UBAP2L: variants seen among roughly 807,000 people sequenced by gnomAD.
The protein encoded by UBAP2L is ubiquitin-associated protein 2-like.
A neutral mutation model predicts 130.6 loss-of-function variants in UBAP2L; 12 were observed. That is an observed-to-expected ratio of 0.09 (90% confidence interval 0.06 to 0.15). The LOEUF (loss-of-function observed/expected upper bound fraction) is 0.15. Ranked by LOEUF, UBAP2L falls within the 10% of genes least tolerant of loss-of-function variation. The pLI is 1.00. For missense variants in UBAP2L, 965 were observed against 1,332.5 expected, an observed-to-expected ratio of 0.72 and a Z score of 4.29; for synonymous variants, 503 against 524.7, an observed-to-expected ratio of 0.96 and a Z score of 0.57.
In UBAP2L at chr1:154,257,452, ATCT is replaced by A. The variant is rs1680012487; in HGVS notation, c.2442+24_2442+26del. On this transcript the variant is annotated intron_variant, in intron 20 of 26. Coordinates refer to ENST00000428931, the MANE Select transcript of UBAP2L (RefSeq NM_014847.4). ...CCTACCCGGTAAGTGGGACTAAAGG[ATCT>A]TCTTCAAAAGGTGAGGATGTTGTGG... 1 of 1,611,778 alleles carries A rather than the reference ATCT, an allele frequency of 6.2e-7. No homozygotes were observed. The highest frequency in any genetic ancestry group is 1.3e-5 in the African/African-American group (1 of 74,952).
At chr1:154,243,752 C>T (rs539112705) in intron 10 of UBAP2L, among the ~76,000 whole-genome samples, 5 of 152,302 alleles carry the variant, frequency 3.3e-5, no homozygotes, top group African/African-American at 9.6e-5. Flanking sequence ...TGAACCACCG[C>T]GCCAGTTGAT....
At chr1:154,222,322 C>T (rs1232018435) in intron 1 of UBAP2L, among the ~76,000 whole-genome samples, 4 of 151,992 alleles carry the variant, frequency 2.6e-5, no homozygotes, top group African/African-American at 9.7e-5. Context: ...AGATCTGTCT[C>T]CATTGTACTT....
chr1:154,271,262 G>A, downstream of UBAP2L: 2 of 246,250 alleles, frequency 8.1e-6, no homozygotes, highest in Non-Finnish European at 1.6e-5. Context: ...GACTTAGATG[G>A]GTCCAGGCAA....
Position 154,224,891 on chromosome 1 carries a change from G to T in UBAP2L, c.-40-193G>T, listed in dbSNP as rs555020262. On this transcript the variant is annotated intron_variant, in intron 1 of 26. Transcript: ENST00000428931. ...CTTACACATGCTTTATACATTTCTTGTTACATAAAAATGGATTAACAGCCA... is the reference window on the plus strand; with the variant it reads ...CTTACACATGCTTTATACATTTCTTTTTACATAAAAATGGATTAACAGCCA... Among the ~76,000 whole-genome samples, 62 of 152,174 alleles carry T rather than the reference G, an allele frequency of 4.1e-4. 1 individual carries two copies. The highest frequency in any genetic ancestry group is 5.9e-4 in the Non-Finnish European group (40 of 67,998).
chr1:154,235,720 G>A (rs1374790851), intron 6 of UBAP2L, among the ~76,000 whole-genome samples: 1 of 152,170 alleles, frequency 6.6e-6, no homozygotes, highest in Non-Finnish European at 1.5e-5. Context: ...ACATTGGCCA[G>A]GCTGGCCTCG....
chr1:154,259,927 C>CT (rs755962759), intron 21 of UBAP2L, 21 bp from the exon 22 acceptor site: 3 of 1,610,112 alleles, frequency 1.9e-6, no homozygotes, highest in Non-Finnish European at 2.6e-6. Flanking sequence ...AATCTCTGCT[C>CT]TTTTTTCCCC....
chr1:154,255,435 T>C, intron 17 of UBAP2L, 109 bp downstream of exon 17: 3 of 1,419,364 alleles, frequency 2.1e-6, no homozygotes, highest in Non-Finnish European at 1.9e-6. Flanking sequence ...CCTGCTTTTG[T>C]CGTAAGTGGG....
chr1:154,253,433 G>A (rs1678518294), intron 14 of UBAP2L, among the ~76,000 whole-genome samples: 1 of 145,444 alleles, frequency 6.9e-6, no homozygotes, highest in Non-Finnish European at 1.5e-5. Context: ...CACCCAGGCT[G>A]GAGTGCAGTG....
In UBAP2L at chr1:154,257,133, T is replaced by G; in HGVS notation, c.2228T>G (p.Val743Gly). The change falls in exon 19 of 27, where the codon GTC becomes GGC. Residue 743 changes from valine to glycine, a missense_variant. Val to Gly is a moderately radical substitution (Grantham distance 109, BLOSUM62 -3). Around this residue, in one of 9 missense-constraint regions of UBAP2L, gnomAD observed 393 missense variants for 408.1 expected, o/e 0.96. Transcript: ENST00000428931. ...SSTFSTTSST[V>G]SAPPPVVSVS... ...ACTTTTTCCACCACATCCAGCACAG[T>G]CTCTGCACCTCCCCCAGTGGTCAGT... The G allele has an allele frequency of 1.2e-6, 2 of 1,614,178 alleles. No homozygotes were observed. The highest frequency in any genetic ancestry group is 1.7e-6 in the Non-Finnish European group (2 of 1,180,038).
At position 154,255,694 on chromosome 1, in the gene UBAP2L, C is replaced by T. The variant is rs746135849; in HGVS notation, c.2096C>T (p.Thr699Met). Residue 699 changes from threonine (T) to methionine (M), a missense_variant, in exon 18 of 27, where the codon ACG becomes ATG. Around this residue, in one of 9 missense-constraint regions of UBAP2L, gnomAD observed 393 missense variants for 408.1 expected, o/e 0.96. Transcript: ENST00000428931. ...TTTTTTTCTGACAGCACGTTATCTA[C>T]GCAGCAGAATACCCTTTCATCATCA... is the stretch of plus-strand genomic sequence containing the variant. ...TTTQHSSTLS[T>M]QQNTLSSSTS... 24 of 1,614,144 alleles carry T rather than the reference C, an allele frequency of 1.5e-5. 1 individual carries two copies. Among genetic ancestry groups the T allele is most frequent in the East Asian group, 4.5e-5 (2 of 44,884 alleles).
rs1462390310 is a variant in UBAP2L at position 154,270,780 on chromosome 1, T to G, written c.*485T>G. Reference sequence around the variant, plus strand: ...AGTGGTTTTTTTTTTGTTTTTTTTTTTTTTTTGTACTGTGTCCTCAAATTT... The same window carrying G: ...AGTGGTTTTTTTTTTGTTTTTTTTTGTTTTTTGTACTGTGTCCTCAAATTT... On this transcript the variant is annotated 3_prime_UTR_variant, in exon 27 of 27. Transcript: ENST00000428931. The G allele has an allele frequency of 5.5e-6, 7 of 1,279,150 alleles. No homozygotes were observed. Among genetic ancestry groups the G allele is most frequent in the Non-Finnish European group, 5.0e-6 (5 of 1,009,114 alleles). The allele number at this position is 1,279,150 out of a possible 1,614,324, so 79.2% of individuals were successfully genotyped here. A position where few individuals can be genotyped will look rare whatever the true frequency, so the allele number is the denominator to read the frequency against.
intron 2 of UBAP2L, among the ~76,000 whole-genome samples, chr1:154,226,643 A>G (rs1668034605): frequency 6.6e-6 from 1 of 152,202 alleles, no homozygotes; most frequent in Non-Finnish European, 1.5e-5. Context: ...GGCGTTGGTT[A>G]TTACAGAAAT....
At chr1:154,261,174 G>A in intron 23 of UBAP2L, 65 bp downstream of exon 23, 2 of 1,505,876 alleles carry the variant, frequency 1.3e-6, no homozygotes, top group South Asian at 2.5e-5. Flanking sequence ...TATCCTAGCT[G>A]CTTTTAAGGG....
chr1:154,271,083 T>C (rs548391815), downstream of UBAP2L: 29 of 805,898 alleles, frequency 3.6e-5, no homozygotes, highest in Admixed American at 5.5e-4. Flanking sequence ...ACCTGGTGAC[T>C]GGAAAGAACC....
At position 154,259,668 on chromosome 1, in the gene UBAP2L, G is replaced by A. The variant is rs140715809; in HGVS notation, c.2497-280G>A. 2.4e-4 allele frequency: 125 copies of A among 511,140 alleles called. 1 individual carries two copies. The highest frequency in any genetic ancestry group is 2.3e-3 in the African/African-American group (119 of 52,012). 31.7% of individuals were successfully genotyped at this position (511,140 alleles called of 1,614,324 possible). On this transcript the variant is annotated intron_variant, in intron 21 of 26. Transcript: ENST00000428931. ...GAATAAGCTTGGTATAAACTGATAG[G>A]GATGACACCTAGAGGGTTGAAAATA...
chr1:154,257,423 C>A lies in UBAP2L; in HGVS notation c.2431C>A (p.His811Asn). The part of the protein sequence containing the change: ...NPYIMAPGLL[H>N]AYPPQVYGYD... Reference sequence around the variant, plus strand: ...GTATATTATGGCTCCAGGGCTGTTACATGCCTACCCGGTAAGTGGGACTAA... The same window carrying A: ...GTATATTATGGCTCCAGGGCTGTTAAATGCCTACCCGGTAAGTGGGACTAA... Residue 811 changes from histidine to asparagine, a missense_variant, in exon 20 of 27, where the codon CAT becomes AAT. His to Asn is a moderately conservative substitution (Grantham distance 68). Coordinates refer to ENST00000428931, the MANE Select transcript of UBAP2L (RefSeq NM_014847.4). 2 of 1,612,712 alleles carry A rather than the reference C, an allele frequency of 1.2e-6. No homozygotes were observed. Among genetic ancestry groups the A allele is most frequent in the Non-Finnish European group, 8.5e-7 (1 of 1,180,034 alleles).
intron 4 of UBAP2L, among the ~76,000 whole-genome samples, chr1:154,233,205 G>C (rs1329092381): frequency 1.3e-5 from 2 of 151,972 alleles, no homozygotes; most frequent in African/African-American, 2.4e-5. Context: ...GGTAGAGACA[G>C]GGTTTCACTA....
chr1:154,241,597 C>T (rs745800948), intron 9 of UBAP2L, 32 bp downstream of exon 9: 2 of 1,612,112 alleles, frequency 1.2e-6, no homozygotes, highest in Admixed American at 1.7e-5. Flanking sequence ...CTCACTAATG[C>T]CTTCTATCCC....
At chr1:154,243,109 C>CT in intron 9 of UBAP2L, 108 bp from the exon 10 acceptor site, 1 of 865,826 alleles carries the variant, frequency 1.2e-6, no homozygotes, top group South Asian at 1.5e-5. Flanking sequence ...ATAGTTTTCT[C>CT]TTTATAGGGC....
Sources: allele counts gnomAD v4.1 joint callset (sites outside exome capture counted in the v4.1 genomes callset), GRCh38; gene constraint gnomAD v4.1.1; regional missense constraint gnomAD v4.1.1; transcripts MANE v1.5; gene names NCBI Gene and HGNC (gene_info 2026-07-23, HGNC 2026-07-21).